The following PRKN variants were observed in gnomAD, a reference collection of about 807,000 sequenced individuals.
PRKN encodes parkin RBR E3 ubiquitin protein ligase.
A neutral mutation model predicts 59.5 loss-of-function variants in PRKN; 56 were observed. That is an observed-to-expected ratio of 0.94 (90% CI 0.76 to 1.18). The LOEUF (loss-of-function observed/expected upper bound fraction) is 1.18. Among genes scored for constraint, PRKN ranks in the 50% most tolerant of loss-of-function variants. The probability of loss-of-function intolerance (pLI) is 0.00; values close to 1 mark genes in which losing one functional copy is unlikely to be tolerated. For missense variants in PRKN, 657 were observed against 596.4 expected (o/e 1.10, Z -1.06); for synonymous variants, 250 against 222.1 (o/e 1.13, Z -1.12).
At chr6:162,346,063 A>G (rs577461819) in intron 2 of PRKN, among the ~76,000 whole-genome samples, 1 of 152,226 alleles carries the variant, frequency 6.6e-6, no homozygotes, top group East Asian at 1.9e-4. Context: ...ACCAGATACC[A>G]TTGCCACGTT....
intron 9 of PRKN, among the ~76,000 whole-genome samples, chr6:161,543,793 G>A (rs1779701319): frequency 6.6e-6 from 1 of 152,114 alleles, no homozygotes; most frequent in African/African-American, 2.4e-5. Flanking sequence ...TTTATTTATA[G>A]AGAACTCAGA....
chr6:161,852,426 G>A (rs537401550), intron 6 of PRKN, among the ~76,000 whole-genome samples: 153 of 152,132 alleles, frequency 1.0e-3, no homozygotes, highest in African/African-American at 3.3e-3. Context: ...GCACTCCAGC[G>A]CGGGTGACAA....
intron 2 of PRKN, among the ~76,000 whole-genome samples, chr6:162,393,106 T>A (rs1787284763): frequency 6.6e-6 from 1 of 150,398 alleles, no homozygotes; most frequent in Non-Finnish European, 1.5e-5. Context: ...TGTGCTACCA[T>A]TTAAAGTGAA....
chr6:161,421,915 A>C (rs1788123969), intron 9 of PRKN, among the ~76,000 whole-genome samples: 1 of 152,186 alleles, frequency 6.6e-6, no homozygotes, highest in South Asian at 2.1e-4. Flanking sequence ...TGATAATGGA[A>C]AAAGGTTAGA....
rs766757913 is a variant in PRKN at position 161,397,843 on chromosome 6, T to C, written c.1084-10966A>G. Reference sequence around the variant, plus strand: ...AGACTTTCTGCCAGGGAAAGTACTTTAGTGACCTCGGAGGCCATAATTTTG... The same window carrying C: ...AGACTTTCTGCCAGGGAAAGTACTTCAGTGACCTCGGAGGCCATAATTTTG... On this transcript the variant is annotated intron_variant, in intron 9 of 11. Transcript: ENST00000366898. This position sits in a 1 kb window ranked among gnomAD's most constrained non-coding sequence, Gnocchi z 4.2. Among the ~76,000 whole-genome samples, 4 of 152,106 alleles carry C rather than the reference T, an allele frequency of 2.6e-5. No homozygotes were observed. The highest frequency in any genetic ancestry group is 5.9e-5 in the Non-Finnish European group (4 of 68,036).
At chr6:162,237,208 G>A (rs1175876535) in intron 3 of PRKN, among the ~76,000 whole-genome samples, 1 of 151,746 alleles carries the variant, frequency 6.6e-6, no homozygotes, top group Admixed American at 6.6e-5. Flanking sequence ...TTTATGACTT[G>A]GAAAGATAAA....
chr6:162,206,721 G>A (rs1387475642), intron 3 of PRKN, among the ~76,000 whole-genome samples: 1 of 152,140 alleles, frequency 6.6e-6, no homozygotes, highest in Non-Finnish European at 1.5e-5. Context: ...CTGGTCAGAA[G>A]TAACAGCAGG....
At chr6:162,580,795 A>T (rs1780761134) in intron 1 of PRKN, among the ~76,000 whole-genome samples, 1 of 152,178 alleles carries the variant, frequency 6.6e-6, no homozygotes, top group African/African-American at 2.4e-5. Context: ...CAGCAGGCTG[A>T]TCAATCTGAG....
At chr6:161,763,545 C>G (rs774212860) in intron 7 of PRKN, among the ~76,000 whole-genome samples, 1 of 151,988 alleles carries the variant, frequency 6.6e-6, no homozygotes, top group Admixed American at 6.6e-5. Context: ...TCAGCGACCA[C>G]GTTGTAAGAG....
At chr6:161,768,077 GT>G (rs11366170) in intron 7 of PRKN, among the ~76,000 whole-genome samples, 78,826 of 148,976 alleles carry the variant, frequency 0.53, 20,774 homozygotes, top group Non-Finnish European at 0.57. Flanking sequence ...GTCTAATTAA[GT>G]TTTTTTTTTT....
chr6:162,456,445 G>C (rs1006948756), intron 1 of PRKN, among the ~76,000 whole-genome samples: 7 of 152,052 alleles, frequency 4.6e-5, no homozygotes, highest in African/African-American at 1.7e-4. Flanking sequence ...TGATTCACTA[G>C]AAATTAATAC....
chr6:162,553,113 G>C (rs1779396117), intron 1 of PRKN, among the ~76,000 whole-genome samples: 1 of 152,066 alleles, frequency 6.6e-6, no homozygotes, highest in South Asian at 2.1e-4. Context: ...AGTTCTTTAA[G>C]AGGCAGACGC....
Position 161,589,568 on chromosome 6 carries a change from G to A in PRKN, c.872-20152C>T, listed in dbSNP as rs117538321. Reference sequence around the variant, plus strand: ...TCAAAGTTTTCAAAAGTTTCGACATGTAAGAAAGAGGAAAATACATGTAAG... The same window carrying A: ...TCAAAGTTTTCAAAAGTTTCGACATATAAGAAAGAGGAAAATACATGTAAG... On this transcript the variant is annotated intron_variant, in intron 7 of 11. Coordinates refer to ENST00000366898, the MANE Select transcript of PRKN (RefSeq NM_004562.3). Among the ~76,000 whole-genome samples, 522 of 151,762 alleles carry A rather than the reference G, an allele frequency of 3.4e-3. 17 individuals carry two copies. Among genetic ancestry groups the A allele is most frequent in the East Asian group, 0.022 (115 of 5,158 alleles).
Position 162,428,822 on chromosome 6 carries a change from A to G in PRKN, c.171+14488T>C, listed in dbSNP as rs114756450. On this transcript the variant is annotated intron_variant, in intron 2 of 11. Transcript: ENST00000366898. ...CTTGCTTCCACCAACTTCCAGCCAC[A>G]CTTACCTCCCTTATGGCCTTGGCAT... 2.2e-3 allele frequency among the ~76,000 whole-genome samples: 329 copies of G among 152,084 alleles called. 2 individuals carry two copies. Among genetic ancestry groups the G allele is most frequent in the African/African-American group, 7.6e-3 (316 of 41,496 alleles).
At chr6:162,436,667 T>G (rs564618439) in intron 2 of PRKN, among the ~76,000 whole-genome samples, 3 of 152,360 alleles carry the variant, frequency 2.0e-5, no homozygotes, top group South Asian at 2.1e-4. Flanking sequence ...TTAAAAACTA[T>G]GTACAACTGG....
intron 4 of PRKN, among the ~76,000 whole-genome samples, chr6:162,165,409 C>T (rs2849588): frequency 0.98 from 146,416 of 148,880 alleles, 72,223 homozygotes; most frequent in Middle Eastern, 1. Flanking sequence ...AAAACATACA[C>T]CTGATAAAGT....
intron 6 of PRKN, among the ~76,000 whole-genome samples, chr6:161,818,159 C>G (rs7766680): frequency 0.23 from 34,423 of 151,912 alleles, 4,161 homozygotes; most frequent in Non-Finnish European, 0.28. Context: ...GAGGTGACTG[C>G]TTTGAGCTCT....
chr6:161,433,744 C>T (rs756689692), intron 9 of PRKN, among the ~76,000 whole-genome samples: 1 of 152,054 alleles, frequency 6.6e-6, no homozygotes, highest in Non-Finnish European at 1.5e-5. Flanking sequence ...AGGCTGAGCA[C>T]TGTGGCTGTC....
intron 3 of PRKN, among the ~76,000 whole-genome samples, chr6:162,253,321 T>A (rs1779516139): frequency 9.4e-6 from 1 of 106,856 alleles, no homozygotes; most frequent in African/African-American, 4.3e-5. Flanking sequence ...ATCTAATCTG[T>A]TTCTCCATAA....
Sources: allele counts gnomAD v4.1 joint callset (sites outside exome capture counted in the v4.1 genomes callset), GRCh38; gene constraint gnomAD v4.1.1; non-coding constraint Gnocchi (gnomAD v3.1); transcripts MANE v1.5; gene names NCBI Gene and HGNC (gene_info 2026-07-23, HGNC 2026-07-21).